The following ZNF423 variants were observed in gnomAD, a reference collection of about 807,000 sequenced individuals.
ZNF423 encodes zinc finger protein 423.
A neutral mutation model predicts 95.8 loss-of-function variants in ZNF423; 12 were observed. The ratio of observed to expected loss-of-function variants is 0.13; its 90% confidence interval spans 0.08 to 0.20. ZNF423 has a LOEUF of 0.20. Among genes scored for constraint, ZNF423 ranks in the 10% least tolerant of loss-of-function variants. ZNF423 has a pLI of 1.00. For synonymous variants in ZNF423, 749 were observed against 711.9 expected (o/e 1.05, Z -0.83); for missense variants, 1,316 against 1,737.1 (o/e 0.76, Z 4.31).
intron 5 of ZNF423, among the ~76,000 whole-genome samples, chr16:49,613,459 G>A (rs1368662653): frequency 6.6e-6 from 1 of 152,256 alleles, no homozygotes; most frequent in Non-Finnish European, 1.5e-5. Flanking sequence ...TTGGAAAGCT[G>A]AAGCAAGAAG....
intron 5 of ZNF423, among the ~76,000 whole-genome samples, chr16:49,580,966 C>T (rs1970653131): frequency 6.6e-6 from 1 of 152,086 alleles, no homozygotes; most frequent in Admixed American, 6.6e-5. Flanking sequence ...GAAAAAGGGC[C>T]CTGAGAGTTC....
intron 5 of ZNF423, among the ~76,000 whole-genome samples, chr16:49,541,760 G>A (rs1361615861): frequency 1.3e-5 from 2 of 152,094 alleles, no homozygotes; most frequent in Non-Finnish European, 2.9e-5. Context: ...GATTTCTCAC[G>A]AGATCTGATG....
intron 3 of ZNF423, among the ~76,000 whole-genome samples, chr16:49,655,920 G>C (rs915051186): frequency 3.3e-5 from 5 of 152,182 alleles, no homozygotes; most frequent in African/African-American, 1.2e-4. Context: ...AATGCTAAGT[G>C]GGTGCACGAG....
At chr16:49,662,597 G>A (rs1051959577) in intron 3 of ZNF423, among the ~76,000 whole-genome samples, 8 of 152,188 alleles carry the variant, frequency 5.3e-5, no homozygotes, top group African/African-American at 1.9e-4. Flanking sequence ...TGCAAAGAGA[G>A]GAGACTAAAT....
chr16:49,814,048 A>T (rs35291210), intron 1 of ZNF423, among the ~76,000 whole-genome samples: 16,319 of 152,304 alleles, frequency 0.11, 931 homozygotes, highest in East Asian at 0.15. Context: ...GAAAGCCCAG[A>T]GGACGCAGGA....
intron 1 of ZNF423, among the ~76,000 whole-genome samples, chr16:49,821,327 G>A (rs1567359333): frequency 6.6e-6 from 1 of 152,158 alleles, no homozygotes; most frequent in Non-Finnish European, 1.5e-5. Flanking sequence ...ATCTGGGGCT[G>A]GCTTTAGAAG....
chr16:49,638,790 T>C lies in ZNF423; in HGVS notation c.386A>G (p.Asp129Gly). ...DVASPTQMIG[D>G]GCDLGLGEEE... Reference sequence around the variant, plus strand: ...CTCGCCGAGGCCGAGGTCACAACCATCTCCGATCATCTGCGTGGGTGACGC... The same window carrying C: ...CTCGCCGAGGCCGAGGTCACAACCACCTCCGATCATCTGCGTGGGTGACGC... The change falls in exon 4 of 8, where the codon GAT (aspartate) becomes GGT (glycine). Residue 129 changes from aspartate (D) to glycine (G), a missense_variant. Physicochemically the swap from Asp to Gly is moderately conservative, Grantham distance 94. This residue lies in a region of ZNF423 where 155 missense variants were observed against 170.8 expected (regional missense o/e 0.91). Transcript: ENST00000563137. This position sits in a 1 kb window ranked among gnomAD's most constrained non-coding sequence, Gnocchi z 5.6. 1 of 1,613,984 alleles carries C rather than the reference T, an allele frequency of 6.2e-7. No individual in the cohort carries two copies. Among genetic ancestry groups the C allele is most frequent in the Non-Finnish European group, 8.5e-7 (1 of 1,180,004 alleles).
intron 3 of ZNF423, among the ~76,000 whole-genome samples, chr16:49,701,450 G>A (rs1289612002): frequency 6.6e-6 from 1 of 152,012 alleles, no homozygotes; most frequent in Non-Finnish European, 1.5e-5. Context: ...CATCTTTAAT[G>A]TGCAGAGGGG....
At chr16:49,701,698 C>T (rs1309591893) in intron 3 of ZNF423, among the ~76,000 whole-genome samples, 3 of 152,076 alleles carry the variant, frequency 2.0e-5, no homozygotes, top group African/African-American at 7.2e-5. Context: ...ATACTCTGGC[C>T]CCTAAAATAT....
chr16:49,646,460 G>C (rs968603389), intron 3 of ZNF423, among the ~76,000 whole-genome samples: 1 of 152,154 alleles, frequency 6.6e-6, no homozygotes, highest in African/African-American at 2.4e-5. Context: ...GAGGGCAAGA[G>C]AGGGTGCATA....
chr16:49,801,236 A>G (rs139412553), intron 1 of ZNF423, among the ~76,000 whole-genome samples: 1,775 of 152,326 alleles, frequency 0.012, 13 homozygotes, highest in Non-Finnish European at 0.02. Context: ...GACAGACGCC[A>G]GCCTGGCCCA....
At chr16:49,812,262 G>A (rs530212241) in intron 1 of ZNF423, among the ~76,000 whole-genome samples, 102 of 152,338 alleles carry the variant, frequency 6.7e-4, no homozygotes, top group African/African-American at 2.4e-3. Context: ...CCCACACCAA[G>A]CCACTGGGCT....
chr16:49,607,144 C>T (rs146428948), intron 5 of ZNF423, among the ~76,000 whole-genome samples: 59 of 148,454 alleles, frequency 4.0e-4, no homozygotes, highest in African/African-American at 1.3e-3. Flanking sequence ...CAGGTGACTA[C>T]TGAGTTGTTG....
chr16:49,757,900 C>G (rs1188275183), intron 2 of ZNF423, among the ~76,000 whole-genome samples: 1 of 152,164 alleles, frequency 6.6e-6, no homozygotes, highest in Non-Finnish European at 1.5e-5. Context: ...CTGACCCGCC[C>G]TCGGCTCCTC....
In ZNF423 at chr16:49,524,566, A is replaced by G. The variant is rs537250653; in HGVS notation, c.3733+797T>C. 1.1e-3 allele frequency among the ~76,000 whole-genome samples: 161 copies of G among 152,284 alleles called. 1 individual carries two copies. The South Asian group carries it at 0.033, about 31-fold the overall frequency. Reference sequence around the variant, plus strand: ...CAGAGTGGACACCCCTGGGCCTGGCATGGAGAAGGTCTAGCCCTGGCTTCC... The same window carrying G: ...CAGAGTGGACACCCCTGGGCCTGGCGTGGAGAAGGTCTAGCCCTGGCTTCC... On this transcript the variant is annotated intron_variant, in intron 6 of 7. Coordinates refer to ENST00000563137, the MANE Select transcript of ZNF423 (RefSeq NM_001379286.1).
At chr16:49,540,126 T>C (rs762755815) in intron 5 of ZNF423, among the ~76,000 whole-genome samples, 11 of 152,222 alleles carry the variant, frequency 7.2e-5, no homozygotes, top group Non-Finnish European at 1.5e-4. Context: ...GACACACACA[T>C]GCACAGCCTC....
In ZNF423 at chr16:49,637,916, G is replaced by A; in HGVS notation, c.1260C>T (p.Pro420=). The A allele has an allele frequency of 5.0e-6, 8 of 1,614,192 alleles. No homozygotes were observed. The highest frequency in any genetic ancestry group is 6.8e-6 in the Non-Finnish European group (8 of 1,180,034). Residue 420 remains proline, a synonymous_variant, in exon 4 of 8, where the codon CCC becomes CCT. Coordinates refer to ENST00000563137, the MANE Select transcript of ZNF423 (RefSeq NM_001379286.1). This position sits in a 1 kb window ranked among gnomAD's most constrained non-coding sequence, Gnocchi z 5.6. ...QGWTKVVYSC[P]YCSKRDFNSL... is the part of the protein sequence containing the mutation. ...TGTTAAAGTCCCGCTTGGAACAATA[G>A]GGGCAGCTATAGACCACCTTGGTCC...
chr16:49,797,315 A>G lies in ZNF423; in HGVS notation c.41-7769T>C, dbSNP rs537663502. Among the ~76,000 whole-genome samples, 117 of 152,298 alleles carry G rather than the reference A, an allele frequency of 7.7e-4. 1 individual carries two copies. Among genetic ancestry groups the G allele is most frequent in the African/African-American group, 2.5e-3 (105 of 41,568 alleles). On this transcript the variant is annotated intron_variant, in intron 1 of 7. Transcript: ENST00000563137. ...GAAGGCCAAGCAAAGGTGGCGAGAA[A>G]GAGCTGAAATGTGACCCACACTCTG...
At chr16:49,592,795 C>T (rs950765459) in intron 5 of ZNF423, among the ~76,000 whole-genome samples, 2 of 152,348 alleles carry the variant, frequency 1.3e-5, no homozygotes, top group African/African-American at 4.8e-5. Flanking sequence ...TATCCCCTCG[C>T]CTCCCCTCCC....
Sources: gnomAD v4.1 joint callset for allele counts (sites outside exome capture counted in the v4.1 genomes callset) on GRCh38, gnomAD v4.1.1 for gene constraint, gnomAD v4.1.1 regional missense constraint, Gnocchi (gnomAD v3.1) non-coding constraint, MANE v1.5 for transcripts, NCBI Gene and HGNC (gene_info 2026-07-23, HGNC 2026-07-21) for gene names.